Variants in MCUB observed in about 807,000 individuals in gnomAD.
MCUB encodes mitochondrial calcium uniporter dominant negative subunit beta.
Under a neutral mutation model 41.4 loss-of-function variants are expected in MCUB, and 46 were observed. The observed-to-expected ratio is 1.11, with a 90% CI of 0.88 to 1.42. The LOEUF (loss-of-function observed/expected upper bound fraction) is 1.42, where lower values mean the gene tolerates loss of function less well. MCUB is among the 40% of genes most tolerant of loss of function. MCUB has a pLI of 0.00. For synonymous variants in MCUB, 148 were observed against 148.2 expected (o/e 1.00, Z 0.01); for missense variants, 403 against 404.9 (o/e 1.00, Z 0.04).
At chr4:109,683,098 CT>C (rs1318936087) in intron 5 of MCUB, 5 of 157,966 alleles carry the variant, frequency 3.2e-5, no homozygotes, top group African/African-American at 1.2e-4. Flanking sequence ...CCTCCCTTTC[CT>C]TTTTAGAGAA....
At chr4:109,617,116 G>A (rs1306720956) in intron 1 of MCUB, among the ~76,000 whole-genome samples, 1 of 152,084 alleles carries the variant, frequency 6.6e-6, no homozygotes, top group Non-Finnish European at 1.5e-5. Flanking sequence ...TATCTTCACT[G>A]TTTTACATAA....
rs190091180 is a variant in MCUB at position 109,679,460 on chromosome 4, A to G, written c.452-3122A>G. Among the ~76,000 whole-genome samples the G allele has an allele frequency of 2.4e-3, 359 of 152,312 alleles. 1 individual carries two copies. Among genetic ancestry groups the G allele is most frequent in the African/African-American group, 8.0e-3 (332 of 41,576 alleles). ...CAGGAGCTGGAGACCAGCCCGGTCA[A>G]CACGGCGAAACCCCGTCTCCACCAA... On this transcript the variant is annotated intron_variant, in intron 4 of 7. Transcript: ENST00000394650.
At position 109,672,213 on chromosome 4, in the gene MCUB, C is replaced by T. The variant is rs116839389; in HGVS notation, c.451+7819C>T. On this transcript the variant is annotated intron_variant, in intron 4 of 7. Coordinates refer to ENST00000394650, the MANE Select transcript of MCUB (RefSeq NM_017918.5). ...GTTGACTAATTGCCCTTTCTCCAAG[C>T]CAGATAAGGCTCTGGTAAAGTAGTT... Among the ~76,000 whole-genome samples, 773 of 152,258 alleles carry T rather than the reference C, an allele frequency of 5.1e-3. 3 individuals are homozygous for T. Among genetic ancestry groups the T allele is most frequent in the African/African-American group, 0.018 (733 of 41,558 alleles).
At chr4:109,666,254 A>G (rs1729343793) in intron 4 of MCUB, among the ~76,000 whole-genome samples, 1 of 152,214 alleles carries the variant, frequency 6.6e-6, no homozygotes, top group South Asian at 2.1e-4. Flanking sequence ...TGGAGTTGCT[A>G]TAAATACACA....
intron 5 of MCUB, among the ~76,000 whole-genome samples, chr4:109,684,065 CTT>C (rs71595507): frequency 7.9e-4 from 110 of 139,792 alleles, no homozygotes; most frequent in Non-Finnish European, 7.4e-4. Flanking sequence ...TTCCTCTTTT[CTT>C]TTTTTTTTTT....
chr4:109,661,223 C>CT (rs1290515117), intron 3 of MCUB, among the ~76,000 whole-genome samples: 1 of 152,046 alleles, frequency 6.6e-6, no homozygotes, highest in Non-Finnish European at 1.5e-5. Flanking sequence ...GGTCTTAGAC[C>CT]AACTGCTTCT....
rs76975096 is a variant in MCUB, at chr4:109,564,434, G to A, written c.99+3998G>A. Among the ~76,000 whole-genome samples, 1,294 of 152,164 alleles carry A rather than the reference G, an allele frequency of 8.5e-3. 21 individuals carry two copies. Among genetic ancestry groups the A allele is most frequent in the African/African-American group, 0.03 (1,230 of 41,522 alleles). Reference sequence around the variant, plus strand: ...ATTACAAGCATGAGACACTGCGCCCGGCTGGCTATATGCATTTCAAGTCTA... The same window carrying A: ...ATTACAAGCATGAGACACTGCGCCCAGCTGGCTATATGCATTTCAAGTCTA... On this transcript the variant is annotated intron_variant, in intron 1 of 7. Coordinates refer to ENST00000394650, the MANE Select transcript of MCUB (RefSeq NM_017918.5).
chr4:109,637,093 C>T (rs1728611636), intron 1 of MCUB, among the ~76,000 whole-genome samples: 1 of 152,116 alleles, frequency 6.6e-6, no homozygotes, highest in Non-Finnish European at 1.5e-5. Context: ...AGGAAGCAGG[C>T]ATAGAGAAAG....
At chr4:109,639,904 C>G (rs1728676723) in intron 1 of MCUB, among the ~76,000 whole-genome samples, 1 of 152,144 alleles carries the variant, frequency 6.6e-6, no homozygotes, top group South Asian at 2.1e-4. Flanking sequence ...ATTAGCCTGT[C>G]CTTTGAAGCT....
intron 4 of MCUB, among the ~76,000 whole-genome samples, chr4:109,667,548 A>T (rs965224263): frequency 1.3e-5 from 2 of 148,320 alleles, no homozygotes; most frequent in African/African-American, 5.0e-5. Flanking sequence ...AACATCATTG[A>T]TTTTTCTCTG....
At chr4:109,640,346 G>C (rs1021072759) in intron 1 of MCUB, among the ~76,000 whole-genome samples, 4 of 152,204 alleles carry the variant, frequency 2.6e-5, no homozygotes, top group Non-Finnish European at 5.9e-5. Flanking sequence ...GGATATGATG[G>C]CTTAGCTTGG....
At chr4:109,566,612 TCAATGG>T (rs1293304509) in intron 1 of MCUB, among the ~76,000 whole-genome samples, 2 of 152,220 alleles carry the variant, frequency 1.3e-5, no homozygotes, top group Non-Finnish European at 2.9e-5. Flanking sequence ...AATATTTTGT[TCAATGG>T]TGTATTTATA....
chr4:109,607,446 G>C (rs1219755346), intron 1 of MCUB, among the ~76,000 whole-genome samples: 1 of 152,172 alleles, frequency 6.6e-6, no homozygotes, highest in East Asian at 1.9e-4. Context: ...TCAAACTCCT[G>C]ACCCCAGGTG....
intron 1 of MCUB, among the ~76,000 whole-genome samples, chr4:109,593,696 G>T (rs1443096293): frequency 6.6e-6 from 1 of 152,186 alleles, no homozygotes; most frequent in Non-Finnish European, 1.5e-5. Context: ...TCTTAACATT[G>T]CCAATGCAAC....
At chr4:109,589,476 G>C (rs915281538) in intron 1 of MCUB, among the ~76,000 whole-genome samples, 2 of 152,138 alleles carry the variant, frequency 1.3e-5, no homozygotes, top group African/African-American at 4.8e-5. Context: ...ACTTACTTTA[G>C]AGCAGTAGAG....
intron 1 of MCUB, among the ~76,000 whole-genome samples, chr4:109,609,079 C>G (rs906037376): frequency 1.6e-4 from 24 of 148,800 alleles, no homozygotes; most frequent in Non-Finnish European, 2.3e-4. Context: ...CTCTCTCTCT[C>G]TCTGTGCTGA....
chr4:109,599,419 T>A (rs1349360762), intron 1 of MCUB, among the ~76,000 whole-genome samples: 16 of 151,552 alleles, frequency 1.1e-4, no homozygotes, highest in Admixed American at 1.0e-3. Flanking sequence ...TTTCTGAATC[T>A]AAATTTTTTT....
intron 4 of MCUB, among the ~76,000 whole-genome samples, chr4:109,682,327 T>C (rs1729736685): frequency 6.6e-6 from 1 of 151,478 alleles, no homozygotes; most frequent in Admixed American, 6.6e-5. Flanking sequence ...TTGGTGACTT[T>C]TTTTTTTTTT....
chr4:109,636,336 C>T (rs1728588657), intron 1 of MCUB, among the ~76,000 whole-genome samples: 1 of 152,108 alleles, frequency 6.6e-6, no homozygotes, highest in South Asian at 2.1e-4. Flanking sequence ...CAGCTTCAAG[C>T]CATCAGCAAA....
Sources: allele counts gnomAD v4.1 joint callset (sites outside exome capture counted in the v4.1 genomes callset), GRCh38; gene constraint gnomAD v4.1.1; transcripts MANE v1.5; gene names NCBI Gene and HGNC (gene_info 2026-07-23, HGNC 2026-07-21).